CNTN5: variants seen among roughly 807,000 people sequenced by gnomAD.
CNTN5 encodes the protein contactin-5.
In CNTN5, 77 loss-of-function variants were observed where a neutral mutation model predicts 129.1. That is an observed-to-expected ratio of 0.60 (90% CI 0.50 to 0.72). CNTN5 has a LOEUF of 0.72. Among genes scored for constraint, CNTN5 ranks in the 30% least tolerant of loss-of-function variants. The probability of loss-of-function intolerance (pLI) is 0.00; values close to 1 mark genes in which losing one functional copy is unlikely to be tolerated. For synonymous variants in CNTN5, 509 were observed against 465.6 expected (o/e 1.09, Z -1.20); for missense variants, 1,478 against 1,328.8 (o/e 1.11, Z -1.75).
At chr11:99,598,107 T>C (rs1016059647) in intron 3 of CNTN5, among the ~76,000 whole-genome samples, 3 of 152,118 alleles carry the variant, frequency 2.0e-5, no homozygotes, top group Admixed American at 6.5e-5. Flanking sequence ...GATACCAGTT[T>C]CCTTCACTTG....
chr11:99,256,393 A>G (rs1248022300), intron 1 of CNTN5, among the ~76,000 whole-genome samples: 1 of 152,114 alleles, frequency 6.6e-6, no homozygotes, highest in African/African-American at 2.4e-5. Flanking sequence ...AACTGCCAAA[A>G]GCCATCTATA....
chr11:100,239,564 G>A (rs993468962), intron 16 of CNTN5, among the ~76,000 whole-genome samples: 2 of 152,180 alleles, frequency 1.3e-5, no homozygotes, highest in African/African-American at 4.8e-5. Context: ...TGACAGTAAA[G>A]CAATGCAAAA....
rs117353459 is a variant in CNTN5 at position 99,656,915 on chromosome 11, G to T, written c.55+100646G>T. 5.4e-4 allele frequency among the ~76,000 whole-genome samples: 81 copies of T among 149,420 alleles called. 1 individual carries two copies. The East Asian group carries it at 0.013, about 24-fold the overall frequency. ...AGAAAACCCCTGTAGAAGTACAGGAGTTCAGTATCTAATTTAACCCAGACA... is the reference window on the plus strand; with the variant it reads ...AGAAAACCCCTGTAGAAGTACAGGATTTCAGTATCTAATTTAACCCAGACA... On this transcript the variant is annotated intron_variant, in intron 3 of 24. Transcript: ENST00000524871.
chr11:99,710,603 A>G (rs662195), intron 3 of CNTN5, among the ~76,000 whole-genome samples: 18,172 of 116,274 alleles, frequency 0.16, 1,240 homozygotes, highest in Non-Finnish European at 0.18. Flanking sequence ...GTGTGTGTGT[A>G]TGTATGTATG....
intron 3 of CNTN5, among the ~76,000 whole-genome samples, chr11:99,739,408 CAG>C (rs1943819806): frequency 1.3e-5 from 2 of 151,890 alleles, no homozygotes; most frequent in Admixed American, 6.6e-5. Context: ...AACTTCAAGA[CAG>C]ATTGTATTTT....
At position 100,340,506 on chromosome 11, in the gene CNTN5, C is replaced by T; in HGVS notation, c.2774C>T (p.Thr925Ile). Residue 925 changes from threonine to isoleucine, a missense_variant, in exon 22 of 25, where the codon ACA (threonine) becomes ATA (isoleucine). Physicochemically the swap from Thr to Ile is moderately conservative, Grantham distance 89 (BLOSUM62 -1). Transcript: ENST00000524871. ...ATGGAACAGGAAGATACAGCAGAAACAGTCAAAACTAGAGGGAATGAGTCT... is the reference window on the plus strand; with the variant it reads ...ATGGAACAGGAAGATACAGCAGAAATAGTCAAAACTAGAGGGAATGAGTCT... ...KDMEQEDTAE[T>I]VKTRGNESFV... The T allele has an allele frequency of 2.5e-6, 4 of 1,612,634 alleles. No individual in the cohort carries two copies. In the Middle Eastern group the frequency reaches 5.0e-4, roughly 200 times the overall value.
intron 1 of CNTN5, among the ~76,000 whole-genome samples, chr11:99,182,868 T>C (rs192824731): frequency 1.3e-5 from 2 of 152,208 alleles, no homozygotes; most frequent in East Asian, 3.9e-4. Flanking sequence ...AATATTAACA[T>C]AATTTAAAAT....
intron 4 of CNTN5, among the ~76,000 whole-genome samples, chr11:99,827,382 C>T (rs1313982790): frequency 6.6e-6 from 1 of 152,202 alleles, no homozygotes; most frequent in Non-Finnish European, 1.5e-5. Flanking sequence ...AGCCACTGTG[C>T]CCAGCCCATT....
At chr11:100,320,706 T>A (rs1344814649) in intron 21 of CNTN5, among the ~76,000 whole-genome samples, 4 of 152,216 alleles carry the variant, frequency 2.6e-5, no homozygotes, top group South Asian at 2.1e-4. Flanking sequence ...TGTTTACATC[T>A]TTCATACAGT....
At chr11:99,944,347 A>G (rs1420946299) in intron 7 of CNTN5, among the ~76,000 whole-genome samples, 2 of 151,932 alleles carry the variant, frequency 1.3e-5, no homozygotes, top group African/African-American at 4.8e-5. Context: ...TGAAGGAGAT[A>G]GTTAAGAACG....
chr11:99,132,507 A>G (rs1858994847), intron 1 of CNTN5, among the ~76,000 whole-genome samples: 1 of 152,168 alleles, frequency 6.6e-6, no homozygotes, highest in African/African-American at 2.4e-5. Context: ...AGAAAACCCC[A>G]TTGACTCAGC....
chr11:99,860,995 G>T (rs187498172), intron 6 of CNTN5, among the ~76,000 whole-genome samples: 1 of 120,724 alleles, frequency 8.3e-6, no homozygotes, highest in African/African-American at 3.3e-5. Flanking sequence ...TCGCTCTGTC[G>T]CCCAGGCTGG....
Position 100,199,165 on chromosome 11 carries a change from T to A in CNTN5, c.1884+5502T>A, listed in dbSNP as rs558758717. Among the ~76,000 whole-genome samples, 6 of 152,010 alleles carry A rather than the reference T, an allele frequency of 3.9e-5. No individual in the cohort carries two copies. In the South Asian group the frequency reaches 1.0e-3, roughly 26 times the overall value. ...TTCTTCATCAACTTGGCATGCGAAG[T>A]CCTGGAGCCATTTCACCACTAAACA... On this transcript the variant is annotated intron_variant, in intron 15 of 24. Coordinates refer to ENST00000524871, the MANE Select transcript of CNTN5 (RefSeq NM_014361.4).
chr11:99,913,402 C>T (rs1949711077), intron 6 of CNTN5, among the ~76,000 whole-genome samples: 2 of 151,694 alleles, frequency 1.3e-5, no homozygotes, highest in Admixed American at 1.3e-4. Context: ...TGTACATACC[C>T]CATGAAAGTA....
chr11:99,883,772 G>C (rs1948829666), intron 6 of CNTN5, among the ~76,000 whole-genome samples: 1 of 152,102 alleles, frequency 6.6e-6, no homozygotes, highest in Non-Finnish European at 1.5e-5. Flanking sequence ...ATAGAAACCA[G>C]GAGAGCCCCA....
intron 6 of CNTN5, among the ~76,000 whole-genome samples, chr11:99,860,257 GT>G (rs1948164404): frequency 6.6e-6 from 1 of 151,886 alleles, no homozygotes; most frequent in Non-Finnish European, 1.5e-5. Context: ...GACTCTGTAG[GT>G]TTTCTACTCT....
chr11:100,333,773 A>G, intron 21 of CNTN5, among the ~76,000 whole-genome samples: 1 of 152,218 alleles, frequency 6.6e-6, no homozygotes, highest in East Asian at 1.9e-4. Flanking sequence ...CACCTTATAC[A>G]AAAATCAACT....
At chr11:100,229,575 C>T (rs1949449270) in intron 16 of CNTN5, among the ~76,000 whole-genome samples, 1 of 152,090 alleles carries the variant, frequency 6.6e-6, no homozygotes, top group Non-Finnish European at 1.5e-5. Context: ...CTGCCTATAC[C>T]CTTGGAAAAG....
intron 3 of CNTN5, among the ~76,000 whole-genome samples, chr11:99,634,054 G>A (rs1951460370): frequency 6.6e-6 from 1 of 152,176 alleles, no homozygotes; most frequent in African/African-American, 2.4e-5. Context: ...GTAAGGAAGA[G>A]ATCCTCGGGT....
Sources: gnomAD v4.1 joint callset for allele counts (sites outside exome capture counted in the v4.1 genomes callset) on GRCh38, gnomAD v4.1.1 for gene constraint, MANE v1.5 for transcripts, NCBI Gene and HGNC (gene_info 2026-07-23, HGNC 2026-07-21) for gene names.